SCFD2: variants seen among roughly 807,000 people sequenced by gnomAD.
SCFD2 encodes the protein sec1 family domain-containing protein 2.
SCFD2 carries 54 observed loss-of-function variants against 58.9 expected under a neutral mutation model. The observed-to-expected ratio is 0.92, with a 90% CI of 0.74 to 1.15. The LOEUF (loss-of-function observed/expected upper bound fraction) is 1.15, where lower values mean the gene tolerates loss of function less well. Among genes scored for constraint, SCFD2 ranks in the 50% most tolerant of loss-of-function variants. SCFD2 has a pLI of 0.00. For missense variants in SCFD2, 805 were observed against 836.6 expected, an observed-to-expected ratio of 0.96 and a Z score of 0.47; for synonymous variants, 321 against 335.9, an observed-to-expected ratio of 0.96 and a Z score of 0.49.
At chr4:53,259,427 T>A (rs1432608275) in intron 4 of SCFD2, among the ~76,000 whole-genome samples, 1 of 152,222 alleles carries the variant, frequency 6.6e-6, no homozygotes, top group Non-Finnish European at 1.5e-5. Context: ...AGTTTCATTC[T>A]TTTACCTGTG....
At chr4:52,948,401 C>T in intron 5 of SCFD2, 1 of 413,706 alleles carries the variant, frequency 2.4e-6, no homozygotes. Flanking sequence ...AGGGCCTGGA[C>T]TCACGAGCTA....
At chr4:53,172,311 G>T (rs1452610215) in intron 4 of SCFD2, among the ~76,000 whole-genome samples, 2 of 152,028 alleles carry the variant, frequency 1.3e-5, no homozygotes, top group Admixed American at 6.6e-5. Context: ...CCCTGTCATT[G>T]ATTTTATTGC....
chr4:53,364,464 C>T (rs1381441951), intron 1 of SCFD2, among the ~76,000 whole-genome samples: 1 of 152,120 alleles, frequency 6.6e-6, no homozygotes. Context: ...TTAAGGATTA[C>T]ATTTGTTTCT....
At chr4:53,247,479 G>A (rs1038882139) in intron 4 of SCFD2, among the ~76,000 whole-genome samples, 1 of 152,162 alleles carries the variant, frequency 6.6e-6, no homozygotes, top group Non-Finnish European at 1.5e-5. Context: ...GCAAAGACAT[G>A]GAATCAATCC....
intron 1 of SCFD2, among the ~76,000 whole-genome samples, chr4:53,353,166 C>T (rs1189396572): frequency 6.6e-6 from 1 of 152,088 alleles, no homozygotes; most frequent in South Asian, 2.1e-4. Context: ...GAGTTTCTTC[C>T]TTCTGGTGGG....
At chr4:52,940,796 G>A (rs774701129) in intron 5 of SCFD2, among the ~76,000 whole-genome samples, 9 of 152,158 alleles carry the variant, frequency 5.9e-5, no homozygotes, top group Admixed American at 2.0e-4. Flanking sequence ...TAGAAAGTGC[G>A]GAAGGGACGA....
At chr4:53,082,889 T>A (rs558638583) in intron 5 of SCFD2, among the ~76,000 whole-genome samples, 1 of 152,168 alleles carries the variant, frequency 6.6e-6, no homozygotes, top group African/African-American at 2.4e-5. Context: ...CTAGCTTTCA[T>A]GGGCCTCCAG....
intron 5 of SCFD2, among the ~76,000 whole-genome samples, chr4:53,056,218 T>C (rs1723335392): frequency 6.6e-6 from 1 of 152,010 alleles, no homozygotes; most frequent in South Asian, 2.1e-4. Context: ...CTGCCTGTAT[T>C]ATACAATGGG....
chr4:52,880,540 G>T (rs369979059), intron 8 of SCFD2, among the ~76,000 whole-genome samples: 1 of 150,716 alleles, frequency 6.6e-6, no homozygotes, highest in African/African-American at 2.4e-5. Context: ...TCACTTGAAC[G>T]TGGGAGGTGG....
chr4:53,007,613 G>A (rs564938538), intron 5 of SCFD2, among the ~76,000 whole-genome samples: 25 of 152,184 alleles, frequency 1.6e-4, no homozygotes, highest in African/African-American at 5.8e-4. Flanking sequence ...TTCTCTATGT[G>A]TCAGCATCTG....
chr4:53,170,227 G>A (rs182049540), intron 4 of SCFD2, among the ~76,000 whole-genome samples: 1 of 152,206 alleles, frequency 6.6e-6, no homozygotes, highest in Non-Finnish European at 1.5e-5. Context: ...ATACAAAACT[G>A]TTCAGTTTCA....
intron 4 of SCFD2, among the ~76,000 whole-genome samples, chr4:53,269,369 T>G (rs999629230): frequency 6.6e-6 from 1 of 152,062 alleles, no homozygotes; most frequent in Non-Finnish European, 1.5e-5. Flanking sequence ...AGCTCATAGT[T>G]TTTAATGAAG....
intron 4 of SCFD2, among the ~76,000 whole-genome samples, chr4:53,261,931 G>A (rs1180958739): frequency 2.0e-5 from 3 of 152,080 alleles, no homozygotes; most frequent in African/African-American, 7.2e-5. Flanking sequence ...ATTTAGGATT[G>A]TGATATTTTC....
chr4:53,332,704 C>A (rs1733529020), intron 2 of SCFD2, among the ~76,000 whole-genome samples: 1 of 152,134 alleles, frequency 6.6e-6, no homozygotes, highest in South Asian at 2.1e-4. Flanking sequence ...GGGATGCCCT[C>A]TCTCACCACT....
At chr4:52,908,882 G>C (rs536861433) in intron 6 of SCFD2, among the ~76,000 whole-genome samples, 26 of 152,284 alleles carry the variant, frequency 1.7e-4, no homozygotes, top group African/African-American at 6.3e-4. Flanking sequence ...TGTTTGTCCA[G>C]AGATCTCATG....
At chr4:53,254,084 G>T (rs1437458437) in intron 4 of SCFD2, among the ~76,000 whole-genome samples, 5 of 152,096 alleles carry the variant, frequency 3.3e-5, no homozygotes, top group Non-Finnish European at 7.4e-5. Context: ...ACACACTGGG[G>T]CCTACCTGAG....
intron 4 of SCFD2, among the ~76,000 whole-genome samples, chr4:53,219,633 A>C (rs1000879670): frequency 1.3e-5 from 2 of 151,882 alleles, no homozygotes; most frequent in African/African-American, 4.8e-5. Context: ...GGTGGGCTGC[A>C]CCCACTGTCC....
chr4:52,934,301 A>G (rs541093522), intron 5 of SCFD2, among the ~76,000 whole-genome samples: 2 of 152,294 alleles, frequency 1.3e-5, no homozygotes, highest in South Asian at 2.1e-4. Flanking sequence ...TTGCCCCCCA[A>G]GTTGCCACAA....
chr4:52,991,472 G>C (rs1197762223), intron 5 of SCFD2, among the ~76,000 whole-genome samples: 1 of 152,176 alleles, frequency 6.6e-6, no homozygotes. Context: ...ACTGGGCTAG[G>C]GGGAGGATGG....
Sources: gnomAD v4.1 joint callset for allele counts (sites outside exome capture counted in the v4.1 genomes callset) on GRCh38, gnomAD v4.1.1 for gene constraint, MANE v1.5 for transcripts, NCBI Gene and HGNC (gene_info 2026-07-23, HGNC 2026-07-21) for gene names.